SYNE1: variants seen among roughly 807,000 people sequenced by gnomAD.
SYNE1 encodes nesprin-1.
In SYNE1, 616 loss-of-function variants were observed where a neutral mutation model predicts 1,111.0. That is an observed-to-expected ratio of 0.55 (90% confidence interval 0.52 to 0.59). The LOEUF is 0.59. SYNE1 is among the 20% of genes least tolerant of loss of function. The probability of loss-of-function intolerance (pLI) is 0.00; values close to 1 mark genes in which losing one functional copy is unlikely to be tolerated. For missense variants in SYNE1, 10,006 were observed against 10,417.0 expected (o/e 0.96, Z 1.72); for synonymous variants, 3,855 against 3,825.8 (o/e 1.01, Z -0.28).
At chr6:152,428,469 C>G in intron 36 of SYNE1, 77 bp from the exon 37 acceptor site, 1 of 1,429,272 alleles carries the variant, frequency 7.0e-7, no homozygotes, top group Non-Finnish European at 9.8e-7. Context: ...CACCGATCAT[C>G]GCAAAATATT....
chr6:152,300,454 A>G (rs1002662733), intron 93 of SYNE1, among the ~76,000 whole-genome samples, 187 bp downstream of exon 93: 1 of 152,210 alleles, frequency 6.6e-6, no homozygotes, highest in African/African-American at 2.4e-5. Flanking sequence ...TCTGTAGCCC[A>G]GGAGAGGAGA....
At chr6:152,270,846 T>C (rs77903179) in intron 98 of SYNE1, among the ~76,000 whole-genome samples, 5 of 152,282 alleles carry the variant, frequency 3.3e-5, no homozygotes, top group African/African-American at 4.8e-5. Context: ...GCACTCTGCA[T>C]GACGAGAGAC....
chr6:152,303,468 T>G (rs1009949628), intron 91 of SYNE1, among the ~76,000 whole-genome samples: 13 of 151,862 alleles, frequency 8.6e-5, no homozygotes, highest in Admixed American at 3.9e-4. Flanking sequence ...AAAATAATTG[T>G]GTACATACAT....
chr6:152,153,221 A>T (rs571386813), intron 133 of SYNE1, among the ~76,000 whole-genome samples: 48 of 152,222 alleles, frequency 3.2e-4, no homozygotes, highest in Middle Eastern at 3.4e-3. Context: ...CAGTCTAAAA[A>T]CCTTAAGTTA....
chr6:152,440,649 C>A (rs1172971358), intron 32 of SYNE1, among the ~76,000 whole-genome samples: 1 of 148,002 alleles, frequency 6.8e-6, no homozygotes, highest in Admixed American at 6.8e-5. Context: ...CTCACTGCAA[C>A]CTCTGCCTCC....
intron 45 of SYNE1, 51 bp from the exon 46 acceptor site, chr6:152,404,365 T>C (rs750339335): frequency 7.3e-7 from 1 of 1,371,674 alleles, no homozygotes; most frequent in South Asian, 1.2e-5. Context: ...CATGCTATAT[T>C]TGGCATTTAA....
At chr6:152,560,137 G>A (rs2099390347) in intron 3 of SYNE1, among the ~76,000 whole-genome samples, 1 of 152,142 alleles carries the variant, frequency 6.6e-6, no homozygotes, top group African/African-American at 2.4e-5. Context: ...CAGATCACTT[G>A]AGGTCAGGAG....
intron 87 of SYNE1, among the ~76,000 whole-genome samples, chr6:152,314,364 T>C (rs2153876095): frequency 6.6e-6 from 1 of 152,304 alleles, no homozygotes; most frequent in East Asian, 1.9e-4. Context: ...GCATACATTT[T>C]TATCTAAACA....
intron 91 of SYNE1, among the ~76,000 whole-genome samples, chr6:152,302,806 GT>G (rs1166476011): frequency 1.3e-5 from 2 of 151,788 alleles, no homozygotes; most frequent in Non-Finnish European, 2.9e-5. Flanking sequence ...AAAAATAATT[GT>G]TTTTTTGTTT....
intron 4 of SYNE1, among the ~76,000 whole-genome samples, chr6:152,527,769 A>G (rs1052326129): frequency 6.6e-6 from 1 of 152,236 alleles, no homozygotes; most frequent in Admixed American, 6.5e-5. Flanking sequence ...TCATAAAATA[A>G]TAAAGATTTC....
At chr6:152,247,368 A>C (rs563040946) in intron 105 of SYNE1, among the ~76,000 whole-genome samples, 5 of 152,300 alleles carry the variant, frequency 3.3e-5, no homozygotes, top group Admixed American at 2.0e-4. Flanking sequence ...ATTCAGTTAT[A>C]TTGGTCAAAA....
rs2154239396 is a variant in SYNE1, at chr6:152,444,478, TC to T, written c.3769del (p.Glu1257AsnfsTer83). On this transcript the variant is annotated frameshift_variant, in exon 30 of 146. Coordinates refer to ENST00000367255, the MANE Select transcript of SYNE1 (RefSeq NM_182961.4). LOFTEE classifies it high-confidence loss of function. Reference sequence around the variant, plus strand: ...AGTATCCAAGATCTTCTCAGCTTGTTCCTGGACTTCTTTAGAGCCAGAAATT... The same window carrying T: ...AGTATCCAAGATCTTCTCAGCTTGTTCTGGACTTCTTTAGAGCCAGAAATT... ...ELISGSKEVQ[E>X]QAEKILDTEN... 6.2e-7 allele frequency: 1 copy of T among 1,614,058 alleles called. No individual in the cohort carries two copies. Among genetic ancestry groups the T allele is most frequent in the Non-Finnish European group, 8.5e-7 (1 of 1,179,980 alleles).
At chr6:152,374,737 G>A (rs183098973) in intron 58 of SYNE1, among the ~76,000 whole-genome samples, 2 of 151,856 alleles carry the variant, frequency 1.3e-5, no homozygotes, top group East Asian at 3.9e-4. Flanking sequence ...TAGGGCCACT[G>A]GACTCCAGCC....
chr6:152,312,089 T>C (rs915746323), intron 87 of SYNE1, among the ~76,000 whole-genome samples: 10 of 152,170 alleles, frequency 6.6e-5, no homozygotes, highest in Non-Finnish European at 1.2e-4. Context: ...CAGCCGGCGA[T>C]AGACTTTTTT....
At chr6:152,583,472 G>A (rs554816394) in intron 3 of SYNE1, among the ~76,000 whole-genome samples, 63 of 152,262 alleles carry the variant, frequency 4.1e-4, no homozygotes, top group African/African-American at 1.4e-3. Context: ...GTTACTGTGA[G>A]GATTGTGCAG....
At chr6:152,262,281 A>T (rs1457686889) in intron 100 of SYNE1, 93 bp from the exon 101 acceptor site, 9 of 1,142,856 alleles carry the variant, frequency 7.9e-6, no homozygotes, top group Admixed American at 5.2e-5. Context: ...GGCTTCTCAA[A>T]TGAAATAAGA....
rs1413500888 is a variant in SYNE1 at position 152,156,976 on chromosome 6, C to T, written c.23791-879G>A. Reference sequence around the variant, plus strand: ...CCAAGTAGCTGGGATTACAGGTACCCGCCATCATGCCTGGCTGGTTTTTGT... The same window carrying T: ...CCAAGTAGCTGGGATTACAGGTACCTGCCATCATGCCTGGCTGGTTTTTGT... On this transcript the variant is annotated intron_variant, in intron 131 of 145. Transcript: ENST00000367255. 5.3e-5 allele frequency among the ~76,000 whole-genome samples: 8 copies of T among 152,162 alleles called. No individual in the cohort carries two copies. In the Middle Eastern group the frequency reaches 0.01, roughly 194 times the overall value.
chr6:152,512,827 T>G (rs1034200250), intron 6 of SYNE1, among the ~76,000 whole-genome samples: 8 of 152,158 alleles, frequency 5.3e-5, no homozygotes, highest in African/African-American at 1.9e-4. Context: ...CCTATTGAAC[T>G]TACAATACAT....
In SYNE1 at chr6:152,354,985, A is replaced by T; in HGVS notation, c.10609-9T>A. On this transcript the variant is annotated splice_polypyrimidine_tract_variant and intron_variant, in intron 66 of 145. Transcript: ENST00000367255. ...CAGTGTACCTGTAGCTCCTGCAGAG[A>T]AAAAGGTATGGCTGTCACTCTCAAT... The T allele has an allele frequency of 6.2e-7, 1 of 1,613,070 alleles. No individual in the cohort carries two copies. Among genetic ancestry groups the T allele is most frequent in the Non-Finnish European group, 8.5e-7 (1 of 1,179,912 alleles).
Sources: allele counts gnomAD v4.1 joint callset (sites outside exome capture counted in the v4.1 genomes callset), GRCh38; gene constraint gnomAD v4.1.1; transcripts MANE v1.5; gene names NCBI Gene and HGNC (gene_info 2026-07-23, HGNC 2026-07-21).